The following ZSWIM5 variants were observed in gnomAD, a reference collection of about 807,000 sequenced individuals.
The protein encoded by ZSWIM5 is zinc finger SWIM domain-containing protein 5.
Under a neutral mutation model 119.6 loss-of-function variants are expected in ZSWIM5, and 55 were observed. The ratio of observed to expected loss-of-function variants is 0.46; its 90% CI spans 0.37 to 0.58. The LOEUF (loss-of-function observed/expected upper bound fraction) is 0.58, where lower values mean the gene tolerates loss of function less well. Ranked by LOEUF, ZSWIM5 falls within the 20% of genes least tolerant of loss-of-function variation. The probability of loss-of-function intolerance (pLI) is 0.00; values close to 1 mark genes in which losing one functional copy is unlikely to be tolerated. For synonymous variants in ZSWIM5, 537 were observed against 606.9 expected, an observed-to-expected ratio of 0.88 and a Z score of 1.69; for missense variants, 1,193 against 1,512.8, an observed-to-expected ratio of 0.79 and a Z score of 3.51.
chr1:45,196,793 AAT>A (rs1646128438), intron 1 of ZSWIM5, among the ~76,000 whole-genome samples: 1 of 152,200 alleles, frequency 6.6e-6, no homozygotes. Flanking sequence ...TTGACAAAAG[AAT>A]ATAGTCATGT....
At chr1:45,089,210 G>A (rs1466236926) in intron 1 of ZSWIM5, among the ~76,000 whole-genome samples, 5 of 152,136 alleles carry the variant, frequency 3.3e-5, no homozygotes, top group Non-Finnish European at 7.4e-5. Flanking sequence ...TGAACTCCAG[G>A]GCTCAAGCAA....
At chr1:45,083,058 A>C (rs1271272910) in intron 2 of ZSWIM5, among the ~76,000 whole-genome samples, 2 of 152,200 alleles carry the variant, frequency 1.3e-5, no homozygotes, top group Non-Finnish European at 2.9e-5. Context: ...GGCAGAACTC[A>C]GGTCTCAAAA....
chr1:45,147,584 C>CAAAAA (rs11409330), intron 1 of ZSWIM5, among the ~76,000 whole-genome samples: 36 of 93,152 alleles, frequency 3.9e-4, no homozygotes, highest in Non-Finnish European at 5.6e-4. Context: ...TTTACACATG[C>CAAAAA]AAAAAAAAAA....
chr1:45,168,664 C>CAAAAAAAA (rs1024002696), intron 1 of ZSWIM5, among the ~76,000 whole-genome samples: 1 of 39,146 alleles, frequency 2.6e-5, no homozygotes, highest in Non-Finnish European at 5.6e-5. Context: ...GACTCCATCT[C>CAAAAAAAA]AAAAAAAAAA....
chr1:45,204,433 C>G (rs1393449217), intron 1 of ZSWIM5, among the ~76,000 whole-genome samples: 1 of 152,124 alleles, frequency 6.6e-6, no homozygotes, highest in Non-Finnish European at 1.5e-5. Context: ...TAACCTCTTT[C>G]AAATAAACAA....
At chr1:45,123,419 AAAG>A (rs1425343550) in intron 1 of ZSWIM5, among the ~76,000 whole-genome samples, 2 of 152,232 alleles carry the variant, frequency 1.3e-5, no homozygotes, top group Non-Finnish European at 1.5e-5. Flanking sequence ...CAGAAGATAC[AAAG>A]AAGAACAAAG....
intron 1 of ZSWIM5, among the ~76,000 whole-genome samples, chr1:45,148,187 TAA>T (rs1645774505): frequency 6.6e-6 from 1 of 151,858 alleles, no homozygotes; most frequent in African/African-American, 2.4e-5. Context: ...TGTATATGGA[TAA>T]AAAGAGAAAA....
At chr1:45,044,821 AAATATATATATATAAATATATATATATAG>A (rs1557746658) in intron 5 of ZSWIM5, among the ~76,000 whole-genome samples, 116 of 8,822 alleles carry the variant, frequency 0.013, 40 homozygotes, top group African/African-American at 0.047. Context: ...ATATATATAT[AAATATATATATATAAATATATATATATAG>A]ATTAGCCGGG....
chr1:45,031,691 T>C (rs1468189425), intron 11 of ZSWIM5, among the ~76,000 whole-genome samples: 1 of 151,798 alleles, frequency 6.6e-6, no homozygotes, highest in Non-Finnish European at 1.5e-5. Context: ...TACAAAAAAA[T>C]TAGCCGGGCG....
At chr1:45,087,849 C>T in intron 2 of ZSWIM5, 32 bp downstream of exon 2, 1 of 1,509,498 alleles carries the variant, frequency 6.6e-7, no homozygotes, top group South Asian at 1.3e-5. Flanking sequence ...TGAAAAAGAC[C>T]TTTTTTTTCA....
At chr1:45,069,626 G>A (rs959691924) in intron 2 of ZSWIM5, among the ~76,000 whole-genome samples, 5 of 151,668 alleles carry the variant, frequency 3.3e-5, no homozygotes, top group Non-Finnish European at 7.4e-5. Flanking sequence ...CTACTCCATA[G>A]GAATTTTTTA....
intron 1 of ZSWIM5, among the ~76,000 whole-genome samples, chr1:45,174,302 A>T (rs1645963198): frequency 6.6e-6 from 1 of 152,076 alleles, no homozygotes; most frequent in African/African-American, 2.4e-5. Context: ...ATGAAATAAA[A>T]CTAAAACATT....
At chr1:45,091,840 G>A (rs959646353) in intron 1 of ZSWIM5, among the ~76,000 whole-genome samples, 3 of 152,092 alleles carry the variant, frequency 2.0e-5, no homozygotes, top group Admixed American at 6.6e-5. Flanking sequence ...ATATTCGTTA[G>A]ATTTGAGACT....
intron 1 of ZSWIM5, among the ~76,000 whole-genome samples, chr1:45,199,322 G>A (rs1217403549): frequency 2.7e-5 from 4 of 148,672 alleles, no homozygotes; most frequent in South Asian, 4.2e-4. Context: ...TTTTTGAGAC[G>A]GAGTCTCACT....
chr1:45,096,501 ACAAT>A (rs1645403468), intron 1 of ZSWIM5, among the ~76,000 whole-genome samples: 1 of 146,508 alleles, frequency 6.8e-6, no homozygotes, highest in Non-Finnish European at 1.5e-5. Flanking sequence ...AAGAAAATGG[ACAAT>A]CAGGCAGCTG....
chr1:45,178,487 T>C (rs887601811), intron 1 of ZSWIM5, among the ~76,000 whole-genome samples: 1 of 152,158 alleles, frequency 6.6e-6, no homozygotes, highest in African/African-American at 2.4e-5. Flanking sequence ...CAGATTCTAC[T>C]TTGAAGTCTG....
intron 1 of ZSWIM5, among the ~76,000 whole-genome samples, chr1:45,194,891 A>G (rs1570208247): frequency 6.6e-6 from 1 of 151,754 alleles, no homozygotes; most frequent in Non-Finnish European, 1.5e-5. Flanking sequence ...AAAAAAAAAG[A>G]GGTTAATCTA....
At chr1:45,055,345 T>C (rs1645115892) in intron 4 of ZSWIM5, among the ~76,000 whole-genome samples, 3 of 152,002 alleles carry the variant, frequency 2.0e-5, no homozygotes, top group African/African-American at 7.2e-5. Flanking sequence ...AGGCTTGTCT[T>C]GAACCCCTGA....
At chr1:45,094,240 G>C (rs1645385619) in intron 1 of ZSWIM5, among the ~76,000 whole-genome samples, 1 of 151,564 alleles carries the variant, frequency 6.6e-6, no homozygotes, top group African/African-American at 2.4e-5. Flanking sequence ...ATTTTTAGTA[G>C]AGTTGGGGTT....
Sources: allele counts gnomAD v4.1 joint callset (sites outside exome capture counted in the v4.1 genomes callset), GRCh38; gene constraint gnomAD v4.1.1; transcripts MANE v1.5; gene names NCBI Gene and HGNC (gene_info 2026-07-23, HGNC 2026-07-21).